Variants in RAPGEF4 observed in about 807,000 individuals in gnomAD.
RAPGEF4 encodes Rap guanine nucleotide exchange factor 4.
Under a neutral mutation model 147.9 loss-of-function variants are expected in RAPGEF4, and 66 were observed. That is an observed-to-expected ratio of 0.45 (90% CI 0.37 to 0.55). RAPGEF4 has a LOEUF of 0.55. Ranked by LOEUF, RAPGEF4 falls within the 20% of genes least tolerant of loss-of-function variation. RAPGEF4 has a pLI of 0.00. For synonymous variants in RAPGEF4, 419 were observed against 442.7 expected, an observed-to-expected ratio of 0.95 and a Z score of 0.67; for missense variants, 1,071 against 1,257.3, an observed-to-expected ratio of 0.85 and a Z score of 2.24.
At chr2:172,841,617 A>G (rs1691602514) in intron 4 of RAPGEF4, among the ~76,000 whole-genome samples, 1 of 152,186 alleles carries the variant, frequency 6.6e-6, no homozygotes, top group Admixed American at 6.5e-5. Flanking sequence ...TGGAATTTAC[A>G]AGAAACACTC....
intron 4 of RAPGEF4, among the ~76,000 whole-genome samples, chr2:172,860,596 C>T (rs535374557): frequency 9.8e-5 from 13 of 132,930 alleles, no homozygotes; most frequent in East Asian, 2.1e-4. Flanking sequence ...TTTTGTTTTA[C>T]GGGGAAGTGA....
chr2:172,922,438 T>C, intron 6 of RAPGEF4, 138 bp downstream of exon 6: 1 of 874,806 alleles, frequency 1.1e-6, no homozygotes, highest in Non-Finnish European at 1.8e-6. Context: ...CATTCTGGCA[T>C]CTTTGGCAAG....
intron 18 of RAPGEF4, 95 bp downstream of exon 18, chr2:173,014,709 T>A: frequency 8.3e-7 from 1 of 1,198,690 alleles, no homozygotes; most frequent in Non-Finnish European, 1.1e-6. Context: ...AGACCGTAAT[T>A]GCAAATGCTA....
At chr2:172,952,624 T>C (rs1329712652) in intron 6 of RAPGEF4, among the ~76,000 whole-genome samples, 3 of 152,174 alleles carry the variant, frequency 2.0e-5, no homozygotes, top group Admixed American at 6.5e-5. Context: ...TCAAGCCAAT[T>C]TGTAAGGAAA....
intron 4 of RAPGEF4, among the ~76,000 whole-genome samples, chr2:172,886,041 A>T (rs932757925): frequency 2.0e-5 from 3 of 152,026 alleles, no homozygotes; most frequent in Admixed American, 2.0e-4. Flanking sequence ...GCTCTTCTGC[A>T]CCACCTTTCC....
chr2:172,953,318 A>C (rs960053555), intron 6 of RAPGEF4, among the ~76,000 whole-genome samples: 5 of 147,636 alleles, frequency 3.4e-5, no homozygotes, highest in Non-Finnish European at 7.5e-5. Context: ...ATAGTTCTCT[A>C]TATATATCTC....
intron 4 of RAPGEF4, among the ~76,000 whole-genome samples, chr2:172,852,727 A>G (rs1191541562): frequency 6.6e-6 from 1 of 152,164 alleles, no homozygotes. Context: ...TCTTAGGGGA[A>G]AATCATTCAA....
chr2:172,744,507 T>C (rs1237462383), intron 1 of RAPGEF4: 1 of 427,224 alleles, frequency 2.3e-6, no homozygotes, highest in Non-Finnish European at 4.7e-6. Context: ...AGTCAGACTG[T>C]ATAGGCTCAA....
At chr2:172,881,399 C>A (rs896585291) in intron 4 of RAPGEF4, among the ~76,000 whole-genome samples, 1 of 152,188 alleles carries the variant, frequency 6.6e-6, no homozygotes, top group Non-Finnish European at 1.5e-5. Context: ...TGGTTGAATT[C>A]TTTCCTATTT....
At chr2:172,775,458 C>T (rs1467832104) in intron 1 of RAPGEF4, among the ~76,000 whole-genome samples, 1 of 152,172 alleles carries the variant, frequency 6.6e-6, no homozygotes, top group Non-Finnish European at 1.5e-5. Flanking sequence ...AATCTTCATC[C>T]CTAACTAATC....
At chr2:173,043,134 T>A (rs1283973714) in intron 29 of RAPGEF4, among the ~76,000 whole-genome samples, 1 of 152,164 alleles carries the variant, frequency 6.6e-6, no homozygotes, top group African/African-American at 2.4e-5. Context: ...GTCCCAAATA[T>A]GTGGAGGTCT....
intron 1 of RAPGEF4, among the ~76,000 whole-genome samples, chr2:172,774,381 A>T (rs750772388): frequency 1.3e-5 from 2 of 152,186 alleles, no homozygotes; most frequent in African/African-American, 4.8e-5. Flanking sequence ...TGCTGCCCCA[A>T]TTGGGTCCCA....
intron 9 of RAPGEF4, among the ~76,000 whole-genome samples, chr2:172,966,435 T>C (rs2676499): frequency 0.94 from 142,360 of 152,236 alleles, 66,667 homozygotes; most frequent in East Asian, 1. Flanking sequence ...GGAATGGACT[T>C]AGAGTCTGTA....
chr2:172,892,526 C>G (rs990705208), intron 4 of RAPGEF4, among the ~76,000 whole-genome samples: 2 of 152,202 alleles, frequency 1.3e-5, no homozygotes, highest in African/African-American at 4.8e-5. Flanking sequence ...AACTCCAGAT[C>G]GTTGAGAAGT....
chr2:173,048,551 T>G, intron 29 of RAPGEF4, 49 bp from the exon 30 acceptor site: 1 of 1,613,004 alleles, frequency 6.2e-7, no homozygotes, highest in Non-Finnish European at 8.5e-7. Flanking sequence ...TGGATTGTAC[T>G]CTACGCTTAC....
chr2:172,961,064 G>C (rs1689237276), intron 7 of RAPGEF4, 58 bp from the exon 8 acceptor site: 2 of 1,312,592 alleles, frequency 1.5e-6, no homozygotes, highest in Non-Finnish European at 2.2e-6. Context: ...TGTTTGGTTT[G>C]TTTTCCTTCT....
At chr2:172,783,447 G>A (rs765434209) in intron 1 of RAPGEF4, among the ~76,000 whole-genome samples, 6 of 152,124 alleles carry the variant, frequency 3.9e-5, no homozygotes, top group East Asian at 1.9e-4. Context: ...CAGACTCCAC[G>A]TGCTCTGCTC....
chr2:172,819,471 T>TTTTTTA (rs1688839847), intron 4 of RAPGEF4, among the ~76,000 whole-genome samples: 1 of 126,340 alleles, frequency 7.9e-6, no homozygotes, highest in Non-Finnish European at 1.7e-5. Flanking sequence ...CTTTTTTTTT[T>TTTTTTA]TTTTTTTTTT....
chr2:173,024,439 G>A (rs917504690), intron 23 of RAPGEF4, among the ~76,000 whole-genome samples: 3 of 140,420 alleles, frequency 2.1e-5, no homozygotes, highest in Admixed American at 7.6e-5. Context: ...GGATGGTCTC[G>A]ATCTCCTGAC....
Sources: allele counts gnomAD v4.1 joint callset (sites outside exome capture counted in the v4.1 genomes callset), GRCh38; gene constraint gnomAD v4.1.1; transcripts MANE v1.5; gene names NCBI Gene and HGNC (gene_info 2026-07-23, HGNC 2026-07-21).